Variants in MANBA observed in about 807,000 individuals in gnomAD.
The protein encoded by MANBA is mannosidase beta, also known as beta-mannosidase.
A neutral mutation model predicts 111.1 loss-of-function variants in MANBA; 83 were observed. That is an observed-to-expected ratio of 0.75 (90% CI 0.63 to 0.90). MANBA has a LOEUF of 0.90. MANBA is among the 40% of genes least tolerant of loss of function. The pLI, the probability that MANBA is intolerant of heterozygous loss-of-function variation, is 0.00. For synonymous variants in MANBA, 370 were observed against 378.7 expected (o/e 0.98, Z 0.27); for missense variants, 1,036 against 1,069.0 (o/e 0.97, Z 0.43).
At chr4:102,756,561 T>C (rs1266471590) in intron 1 of MANBA, among the ~76,000 whole-genome samples, 1 of 151,790 alleles carries the variant, frequency 6.6e-6, no homozygotes, top group Non-Finnish European at 1.5e-5. Flanking sequence ...CACACCAACA[T>C]GGCACATGTA....
chr4:102,690,407 A>G (rs931106606), intron 6 of MANBA, among the ~76,000 whole-genome samples, 189 bp downstream of exon 6: 6 of 152,206 alleles, frequency 3.9e-5, no homozygotes, highest in African/African-American at 1.4e-4. Flanking sequence ...TTAATCTTAA[A>G]GTTTGGGAAA....
Position 102,644,663 on chromosome 4 carries a change from T to C in MANBA, c.1870-4806A>G, listed in dbSNP as rs1000801369. Among the ~76,000 whole-genome samples, 92 of 152,164 alleles carry C rather than the reference T, an allele frequency of 6.0e-4. 1 individual carries two copies. The highest frequency in any genetic ancestry group is 2.1e-3 in the African/African-American group (89 of 41,562). ...CTGGTCAATGAATACAAAATTTCAATTAGGAGAAATAAGTTCAAGAGATCT... is the reference window on the plus strand; with the variant it reads ...CTGGTCAATGAATACAAAATTTCAACTAGGAGAAATAAGTTCAAGAGATCT... On this transcript the variant is annotated intron_variant, in intron 13 of 16. Transcript: ENST00000647097.
intron 1 of MANBA, among the ~76,000 whole-genome samples, chr4:102,758,081 T>C (rs1476566542): frequency 6.6e-6 from 1 of 152,242 alleles, no homozygotes; most frequent in Non-Finnish European, 1.5e-5. Flanking sequence ...CTTATCAAAA[T>C]ACCTATCTTG....
intron 4 of MANBA, among the ~76,000 whole-genome samples, chr4:102,718,112 C>A (rs1006578751): frequency 3.3e-5 from 5 of 152,072 alleles, no homozygotes; most frequent in African/African-American, 1.2e-4. Flanking sequence ...GAGGACTAAG[C>A]AATAGATTGG....
intron 1 of MANBA, 102 bp from the exon 2 acceptor site, chr4:102,726,785 T>G (rs1450008106): frequency 1.4e-6 from 1 of 713,906 alleles, no homozygotes; most frequent in Non-Finnish European, 2.5e-6. Context: ...ATTTATCACC[T>G]AAAAATTAAC....
intron 1 of MANBA, chr4:102,729,560 T>C: frequency 1.1e-6 from 1 of 872,178 alleles, no homozygotes; most frequent in Non-Finnish European, 2.0e-6. Context: ...ACCTTGTTCA[T>C]GTAACCTTCA....
chr4:102,698,115 T>C (rs1159945948), intron 5 of MANBA, among the ~76,000 whole-genome samples: 2 of 151,790 alleles, frequency 1.3e-5, no homozygotes, highest in Admixed American at 1.3e-4. Context: ...CCAGTGATGA[T>C]GAGCATTTTT....
intron 12 of MANBA, among the ~76,000 whole-genome samples, chr4:102,655,451 T>TATAGTAATCAA: frequency 6.6e-6 from 1 of 152,158 alleles, no homozygotes. Context: ...CAGTGCATAG[T>TATAGTAATCAA]GACATGAAAT....
At chr4:102,668,936 T>G (rs1349835485) in intron 10 of MANBA, 27 bp downstream of exon 10, 1 of 1,558,484 alleles carries the variant, frequency 6.4e-7, no homozygotes, top group African/African-American at 1.4e-5. Context: ...ATTTGTTTTA[T>G]TTCTTCTTGG....
In MANBA at chr4:102,635,856, GTAACT is replaced by G; in HGVS notation, c.2157+4_2157+8del. The G allele has an allele frequency of 6.2e-7, 1 of 1,609,652 alleles. No individual in the cohort carries two copies. Among genetic ancestry groups the G allele is most frequent in the Non-Finnish European group, 8.5e-7 (1 of 1,175,976 alleles). On this transcript the variant is annotated splice_donor_5th_base_variant and intron_variant, in intron 15 of 16. Coordinates refer to ENST00000647097, the MANE Select transcript of MANBA (RefSeq NM_005908.4). ...CCTTCGATCTTAGAAAACAATCCAAGTAACTTACACTGAGTGTCATCGAATAATCC... is the reference window on the plus strand; with the variant it reads ...CCTTCGATCTTAGAAAACAATCCAAGTACACTGAGTGTCATCGAATAATCC...
At chr4:102,671,824 C>G (rs1297087856) in intron 8 of MANBA, 1 of 421,670 alleles carries the variant, frequency 2.4e-6, no homozygotes, top group East Asian at 3.5e-5. Context: ...ATTTCTTTCT[C>G]TAGTAAATTT....
At chr4:102,724,478 G>A (rs1337355853) in intron 2 of MANBA, among the ~76,000 whole-genome samples, 1 of 149,930 alleles carries the variant, frequency 6.7e-6, no homozygotes, top group Non-Finnish European at 1.5e-5. Flanking sequence ...AGAAACACTT[G>A]AACCCAGGAG....
chr4:102,692,928 T>C (rs1300510869), intron 5 of MANBA, among the ~76,000 whole-genome samples: 3 of 152,128 alleles, frequency 2.0e-5, no homozygotes, highest in African/African-American at 7.2e-5. Flanking sequence ...CGGCACTGTT[T>C]ACAACTGTAG....
intron 1 of MANBA, chr4:102,729,604 C>T: frequency 1.1e-6 from 1 of 939,658 alleles, no homozygotes; most frequent in Non-Finnish European, 1.8e-6. Flanking sequence ...AATTCATTCT[C>T]CACCTCTGTA....
At chr4:102,697,612 G>A (rs1275299607) in intron 5 of MANBA, among the ~76,000 whole-genome samples, 6 of 146,546 alleles carry the variant, frequency 4.1e-5, no homozygotes, top group Admixed American at 1.4e-4. Flanking sequence ...GCGGTGTTTG[G>A]TTTTTTGTTC....
At chr4:102,699,295 G>A (rs1357074409) in intron 5 of MANBA, among the ~76,000 whole-genome samples, 4,068 of 149,450 alleles carry the variant, frequency 0.027, 188 homozygotes, top group African/African-American at 0.093. Flanking sequence ...CAATCATGTC[G>A]TCTGCAAACA....
At chr4:102,728,074 C>A in intron 1 of MANBA, 1 of 529,376 alleles carries the variant, frequency 1.9e-6, no homozygotes. Context: ...AAGGCACGCC[C>A]ATGGAGAAGG....
rs1280203336 is a variant in MANBA, at chr4:102,752,308, A to G, written c.177+8410T>C. 3 of 1,370,500 alleles carry G rather than the reference A, an allele frequency of 2.2e-6. No individual in the cohort carries two copies. The African/African-American group carries it at 4.3e-5, about 20-fold the overall frequency. The allele number at this position is 1,370,500 out of a possible 1,614,324, so 84.9% of individuals were successfully genotyped here. A position where few individuals can be genotyped will look rare whatever the true frequency, so the allele number is the denominator to read the frequency against. On this transcript the variant is annotated intron_variant, in intron 1 of 16. Coordinates refer to ENST00000647097, the MANE Select transcript of MANBA (RefSeq NM_005908.4). Reference sequence around the variant, plus strand: ...TGTATTTCCCATTCTCCAACTTTGTAAACGTTTAGCATCTGGAAGCACAGA... The same window carrying G: ...TGTATTTCCCATTCTCCAACTTTGTGAACGTTTAGCATCTGGAAGCACAGA...
At chr4:102,670,486 A>G (rs1424902171) in intron 9 of MANBA, among the ~76,000 whole-genome samples, 1 of 152,192 alleles carries the variant, frequency 6.6e-6, no homozygotes, top group Admixed American at 6.5e-5. Flanking sequence ...ACAATAATAG[A>G]ACTAACAGAA....
Sources: allele counts gnomAD v4.1 joint callset (sites outside exome capture counted in the v4.1 genomes callset), GRCh38; gene constraint gnomAD v4.1.1; transcripts MANE v1.5; gene names NCBI Gene and HGNC (gene_info 2026-07-23, HGNC 2026-07-21).